Variants in PRELID2 observed in about 807,000 individuals in gnomAD.
PRELID2 encodes PRELI domain containing 2.
A neutral mutation model predicts 28.4 loss-of-function variants in PRELID2; 25 were observed. The observed-to-expected ratio is 0.88, with a 90% CI of 0.64 to 1.23. PRELID2 has a LOEUF of 1.23. Among genes scored for constraint, PRELID2 ranks in the 50% most tolerant of loss-of-function variants. The pLI is 0.00. For missense variants in PRELID2, 201 were observed against 214.4 expected (o/e 0.94, Z 0.39); for synonymous variants, 76 against 71.6 (o/e 1.06, Z -0.31).
the PRELID2 span, among the ~76,000 whole-genome samples, chr5:145,384,260 T>C: frequency 6.6e-6 from 1 of 152,142 alleles, no homozygotes; most frequent in African/African-American, 2.4e-5. Context: ...ACATAGGCAT[T>C]TATCCAAGAT....
At chr5:145,714,647 C>G (rs1755793503) in intron 1 of PRELID2, among the ~76,000 whole-genome samples, 1 of 152,074 alleles carries the variant, frequency 6.6e-6, no homozygotes, top group Non-Finnish European at 1.5e-5. Flanking sequence ...CTTTGAAGTT[C>G]AAATTCAAAT....
intron 1 of PRELID2, among the ~76,000 whole-genome samples, chr5:145,676,356 G>A (rs183729009): frequency 0.015 from 2,247 of 152,064 alleles, 57 homozygotes; most frequent in African/African-American, 0.051. Context: ...TGGCCAACAT[G>A]GTGAAACCCT....
intron 1 of PRELID2, among the ~76,000 whole-genome samples, chr5:145,500,791 G>A (rs1752353130): frequency 6.6e-6 from 1 of 152,160 alleles, no homozygotes; most frequent in African/African-American, 2.4e-5. Flanking sequence ...CTACCTTGTA[G>A]CTAGGACAGC....
At chr5:145,315,489 A>T in the PRELID2 span, among the ~76,000 whole-genome samples, 1 of 150,684 alleles carries the variant, frequency 6.6e-6, no homozygotes, top group Admixed American at 6.6e-5. Flanking sequence ...CTCTCTCCAG[A>T]TTTTTCTTAT....
At chr5:145,342,863 A>G in the PRELID2 span, among the ~76,000 whole-genome samples, 1 of 150,528 alleles carries the variant, frequency 6.6e-6, no homozygotes, top group South Asian at 2.1e-4. Context: ...AAGAGTAGCT[A>G]TATTTATATC....
the PRELID2 span, among the ~76,000 whole-genome samples, chr5:145,456,475 T>G: frequency 1.3e-5 from 2 of 152,166 alleles, no homozygotes; most frequent in African/African-American, 4.8e-5. Context: ...CAAGTCTCCA[T>G]CATGTCCTTA....
At chr5:145,606,827 A>C (rs1277981366) in intron 1 of PRELID2, among the ~76,000 whole-genome samples, 1 of 152,076 alleles carries the variant, frequency 6.6e-6, no homozygotes, top group Non-Finnish European at 1.5e-5. Context: ...GAATAGTTTT[A>C]GTAGGAATTT....
At chr5:145,619,183 C>T (rs1581006865) in intron 1 of PRELID2, among the ~76,000 whole-genome samples, 1 of 152,152 alleles carries the variant, frequency 6.6e-6, no homozygotes, top group Non-Finnish European at 1.5e-5. Flanking sequence ...GTGCCCTCTC[C>T]CAACTTCTGG....
At chr5:145,724,606 T>C (rs1193014413) in intron 1 of PRELID2, among the ~76,000 whole-genome samples, 1 of 38,628 alleles carries the variant, frequency 2.6e-5, no homozygotes, top group Non-Finnish European at 4.3e-5. Context: ...AATAAATATA[T>C]ATATATATAT....
At chr5:145,571,876 G>A (rs1288827625) in intron 1 of PRELID2, among the ~76,000 whole-genome samples, 1 of 151,872 alleles carries the variant, frequency 6.6e-6, no homozygotes, top group Non-Finnish European at 1.5e-5. Flanking sequence ...AGCTACTCTG[G>A]GAGTCTGAGG....
chr5:145,289,297 CT>C, the PRELID2 span, among the ~76,000 whole-genome samples: 1 of 152,152 alleles, frequency 6.6e-6, no homozygotes, highest in Non-Finnish European at 1.5e-5. Flanking sequence ...TCTGACCTTT[CT>C]GTTATCCTTA....
chr5:145,762,739 AG>A (rs1757534555), intron 6 of PRELID2, among the ~76,000 whole-genome samples: 1 of 152,206 alleles, frequency 6.6e-6, no homozygotes, highest in South Asian at 2.1e-4. Context: ...GCAACAAAAA[AG>A]GGGGCAAACA....
chr5:145,791,956 T>C (rs1316382993), intron 5 of PRELID2, among the ~76,000 whole-genome samples: 3 of 152,148 alleles, frequency 2.0e-5, no homozygotes, highest in African/African-American at 7.2e-5. Flanking sequence ...TGCTGAGGCC[T>C]CTGAACAGAA....
At chr5:145,302,365 T>C in the PRELID2 span, among the ~76,000 whole-genome samples, 1 of 152,020 alleles carries the variant, frequency 6.6e-6, no homozygotes, top group Non-Finnish European at 1.5e-5. Context: ...TTCAAACTCC[T>C]GACCTCAAGT....
intron 1 of PRELID2, among the ~76,000 whole-genome samples, chr5:145,743,178 AC>A (rs1488597744): frequency 6.6e-6 from 1 of 151,820 alleles, no homozygotes; most frequent in Admixed American, 6.6e-5. Context: ...GGAAGCCGAG[AC>A]GGGCAGATCA....
At chr5:145,265,687 G>T in the PRELID2 span, among the ~76,000 whole-genome samples, 1 of 152,028 alleles carries the variant, frequency 6.6e-6, no homozygotes, top group African/African-American at 2.4e-5. Context: ...CTTTGACTAA[G>T]CAAGCAAAAA....
intron 1 of PRELID2, among the ~76,000 whole-genome samples, chr5:145,542,753 C>G (rs1297719468): frequency 7.4e-6 from 1 of 135,602 alleles, no homozygotes; most frequent in Admixed American, 7.3e-5. Flanking sequence ...ATTGTAATTT[C>G]TTTCTTTCTT....
At chr5:145,773,911 C>T (rs1208075025) in intron 5 of PRELID2, among the ~76,000 whole-genome samples, 4 of 152,162 alleles carry the variant, frequency 2.6e-5, no homozygotes, top group African/African-American at 9.7e-5. Flanking sequence ...TAACAGCTGC[C>T]CAGATAATTC....
the PRELID2 span, among the ~76,000 whole-genome samples, chr5:145,315,320 G>A: frequency 2.4e-3 from 358 of 151,804 alleles, 2 homozygotes; most frequent in African/African-American, 7.0e-3. Flanking sequence ...TGCCCGCCTC[G>A]GCCTCCCAAA....
Sources: allele counts gnomAD v4.1 joint callset (sites outside exome capture counted in the v4.1 genomes callset), GRCh38; gene constraint gnomAD v4.1.1; transcripts MANE v1.5; gene names NCBI Gene and HGNC (gene_info 2026-07-23, HGNC 2026-07-21).